The following PKNOX2 variants were observed in gnomAD, a reference collection of about 807,000 sequenced individuals.
PKNOX2 encodes the protein PBX/knotted 1 homeobox 2.
Under a neutral mutation model 53.1 loss-of-function variants are expected in PKNOX2, and 14 were observed. That is an observed-to-expected ratio of 0.26 (90% CI 0.17 to 0.41). The LOEUF (loss-of-function observed/expected upper bound fraction) is 0.41, where lower values mean the gene tolerates loss of function less well. Ranked by LOEUF, PKNOX2 falls within the 10% of genes least tolerant of loss-of-function variation. PKNOX2 has a pLI of 1.00. For synonymous variants in PKNOX2, 257 were observed against 242.8 expected (o/e 1.06, Z -0.54); for missense variants, 496 against 602.8 (o/e 0.82, Z 1.85).
chr11:125,375,926 A>G (rs1314969498), intron 5 of PKNOX2, among the ~76,000 whole-genome samples: 2 of 152,286 alleles, frequency 1.3e-5, no homozygotes, highest in East Asian at 3.9e-4. Flanking sequence ...GGTCTGTCGC[A>G]CTTCTCTTTT....
rs948293015 is a variant in PKNOX2, at chr11:125,186,180, T to G, written c.-201+21404T>G. Among the ~76,000 whole-genome samples the G allele has an allele frequency of 4.6e-5, 7 of 152,238 alleles. 1 individual carries two copies. The highest frequency in any genetic ancestry group is 7.3e-5 in the Non-Finnish European group (5 of 68,048). ...GAATGTCTTTTCATTATTGGACATT[T>G]GTATATCTTTTTTGGAGAAACAGCT... On this transcript the variant is annotated intron_variant, in intron 1 of 12. Coordinates refer to ENST00000298282, the MANE Select transcript of PKNOX2 (RefSeq NM_001382323.2).
intron 7 of PKNOX2, among the ~76,000 whole-genome samples, chr11:125,399,399 G>T (rs927857669): frequency 6.6e-6 from 1 of 152,182 alleles, no homozygotes; most frequent in African/African-American, 2.4e-5. Context: ...CGAGCATCTC[G>T]TTTGTAATTT....
At chr11:125,300,689 G>A (rs1014437092) in intron 2 of PKNOX2, among the ~76,000 whole-genome samples, 6 of 152,150 alleles carry the variant, frequency 3.9e-5, no homozygotes, top group Non-Finnish European at 8.8e-5. Context: ...CAGGAGAGGG[G>A]AGGGAGGGAA....
At chr11:125,234,039 T>C (rs73617592) in intron 1 of PKNOX2, among the ~76,000 whole-genome samples, 4,515 of 152,286 alleles carry the variant, frequency 0.03, 210 homozygotes, top group African/African-American at 0.1. Context: ...CCTCCATGCC[T>C]TTCTGCCCCT....
intron 3 of PKNOX2, among the ~76,000 whole-genome samples, chr11:125,344,454 T>A (rs768802316): frequency 6.6e-6 from 1 of 152,168 alleles, no homozygotes; most frequent in Non-Finnish European, 1.5e-5. Context: ...ATTCACTCCA[T>A]GTGGCATTTA....
At chr11:125,423,061 C>CACACAT (rs2135646385) in intron 10 of PKNOX2, among the ~76,000 whole-genome samples, 2 of 151,814 alleles carry the variant, frequency 1.3e-5, no homozygotes, top group South Asian at 4.2e-4. Flanking sequence ...CACACACACA[C>CACACAT]ATATGTATAC....
At chr11:125,299,497 G>C (rs1461687943) in intron 2 of PKNOX2, among the ~76,000 whole-genome samples, 2 of 152,146 alleles carry the variant, frequency 1.3e-5, no homozygotes, top group Non-Finnish European at 2.9e-5. Flanking sequence ...GGTGACAGAG[G>C]AAGCTGTGCT....
chr11:125,280,001 A>T (rs539282423), intron 2 of PKNOX2, among the ~76,000 whole-genome samples: 38 of 150,814 alleles, frequency 2.5e-4, no homozygotes, highest in Admixed American at 1.1e-3. Context: ...AAATATATAT[A>T]TTTTTTCCTT....
intron 2 of PKNOX2, among the ~76,000 whole-genome samples, chr11:125,290,179 A>G (rs1421668593): frequency 6.6e-6 from 1 of 151,896 alleles, no homozygotes; most frequent in Non-Finnish European, 1.5e-5. Flanking sequence ...CCTCCTGGTC[A>G]TTAATTCTCC....
At chr11:125,312,995 G>A (rs558039051) in intron 2 of PKNOX2, among the ~76,000 whole-genome samples, 1 of 152,328 alleles carries the variant, frequency 6.6e-6, no homozygotes, top group African/African-American at 2.4e-5. Context: ...GGGGGAGGCT[G>A]CAGAGGAGGC....
chr11:125,290,143 G>A (rs1336593003), intron 2 of PKNOX2, among the ~76,000 whole-genome samples: 1 of 152,036 alleles, frequency 6.6e-6, no homozygotes, highest in East Asian at 1.9e-4. Context: ...GATGTGAGCT[G>A]GACTGGGTTC....
chr11:125,298,463 G>A (rs1947805245), intron 2 of PKNOX2, among the ~76,000 whole-genome samples: 1 of 152,166 alleles, frequency 6.6e-6, no homozygotes, highest in Non-Finnish European at 1.5e-5. Flanking sequence ...AGAGTGGAGG[G>A]CTTTCTAAAA....
intron 10 of PKNOX2, 147 bp downstream of exon 10, chr11:125,412,012 A>G: frequency 7.5e-7 from 1 of 1,332,606 alleles, no homozygotes; most frequent in Non-Finnish European, 1.0e-6. Context: ...TGACATCTGG[A>G]GTCCAGGCCA....
chr11:125,341,367 A>T (rs1316106435), intron 3 of PKNOX2, among the ~76,000 whole-genome samples: 1 of 152,168 alleles, frequency 6.6e-6, no homozygotes, highest in Non-Finnish European at 1.5e-5. Context: ...CTCAAAAAAA[A>T]AAAAAGGAAA....
chr11:125,401,223 G>A (rs950999813), intron 7 of PKNOX2, among the ~76,000 whole-genome samples: 1 of 152,124 alleles, frequency 6.6e-6, no homozygotes, highest in Non-Finnish European at 1.5e-5. Flanking sequence ...GAGCAAGAGA[G>A]AGAGACAGGG....
At chr11:125,405,088 G>A (rs1242962396) in intron 7 of PKNOX2, among the ~76,000 whole-genome samples, 2 of 152,192 alleles carry the variant, frequency 1.3e-5, no homozygotes, top group Non-Finnish European at 2.9e-5. Flanking sequence ...GCTGGGGCTG[G>A]CTCCGCACTG....
chr11:125,227,607 C>T (rs112572481), intron 1 of PKNOX2, among the ~76,000 whole-genome samples: 32 of 152,328 alleles, frequency 2.1e-4, no homozygotes, highest in African/African-American at 7.5e-4. Context: ...CGTATGCATG[C>T]CACATTGTGT....
chr11:125,295,174 T>C (rs1454360642), intron 2 of PKNOX2, among the ~76,000 whole-genome samples: 2 of 152,052 alleles, frequency 1.3e-5, no homozygotes, highest in African/African-American at 4.8e-5. Context: ...AAACCAAAGA[T>C]GAATCTAAGG....
intron 4 of PKNOX2, among the ~76,000 whole-genome samples, chr11:125,357,117 G>A (rs1377672005): frequency 1.3e-5 from 2 of 152,212 alleles, no homozygotes; most frequent in Non-Finnish European, 2.9e-5. Context: ...CCATATGAGG[G>A]CCCACCTTCC....
Sources: allele counts gnomAD v4.1 joint callset (sites outside exome capture counted in the v4.1 genomes callset), GRCh38; gene constraint gnomAD v4.1.1; transcripts MANE v1.5; gene names NCBI Gene and HGNC (gene_info 2026-07-23, HGNC 2026-07-21).